Variants in AP2A2 observed in about 807,000 individuals in gnomAD.
AP2A2 encodes adaptor related protein complex 2 subunit alpha 2.
A neutral mutation model predicts 104.2 loss-of-function variants in AP2A2; 32 were observed. The observed-to-expected ratio is 0.31, with a 90% CI of 0.23 to 0.41. AP2A2 has a LOEUF of 0.41. Among genes scored for constraint, AP2A2 ranks in the 10% least tolerant of loss-of-function variants. The pLI, the probability that AP2A2 is intolerant of heterozygous loss-of-function variation, is 1.00. For synonymous variants in AP2A2, 539 were observed against 533.3 expected (o/e 1.01, Z -0.15); for missense variants, 912 against 1,261.0 (o/e 0.72, Z 4.19).
At chr11:964,400 T>G (rs1427525591) in intron 2 of AP2A2, among the ~76,000 whole-genome samples, 1 of 152,152 alleles carries the variant, frequency 6.6e-6, no homozygotes, top group Admixed American at 6.5e-5. Flanking sequence ...GTCTGTAGGC[T>G]CCATTTTAGA....
At chr11:997,647 G>A (rs1190575054) in intron 14 of AP2A2, among the ~76,000 whole-genome samples, 1 of 152,250 alleles carries the variant, frequency 6.6e-6, no homozygotes, top group East Asian at 1.9e-4. Flanking sequence ...GCTCACACCT[G>A]TAATCCCAGC....
chr11:949,938 A>T (rs892292251), intron 1 of AP2A2, among the ~76,000 whole-genome samples: 1 of 152,208 alleles, frequency 6.6e-6, no homozygotes, highest in Non-Finnish European at 1.5e-5. Context: ...TGCAAAAAAG[A>T]ACAGGATTGG....
intron 9 of AP2A2, among the ~76,000 whole-genome samples, chr11:988,152 G>A (rs529807014): frequency 5.9e-5 from 9 of 152,352 alleles, no homozygotes; most frequent in Admixed American, 5.2e-4. Flanking sequence ...GGGGTGGGGC[G>A]TGAGGACCTG....
chr11:947,390 A>T (rs1030764519), intron 1 of AP2A2, among the ~76,000 whole-genome samples: 7 of 152,324 alleles, frequency 4.6e-5, no homozygotes, highest in South Asian at 2.1e-4. Context: ...TAAAGGTGTG[A>T]TTTGACAGTT....
intron 1 of AP2A2, among the ~76,000 whole-genome samples, chr11:929,804 C>CA (rs906469415): frequency 6.7e-5 from 10 of 150,340 alleles, no homozygotes; most frequent in Middle Eastern, 3.4e-3. Flanking sequence ...GACCCTGCCT[C>CA]AAAAAAAAAG....
At chr11:1,004,226 A>C (rs1244326841) in intron 16 of AP2A2, among the ~76,000 whole-genome samples, 1 of 152,236 alleles carries the variant, frequency 6.6e-6, no homozygotes, top group African/African-American at 2.4e-5. Context: ...TAACCCCAGC[A>C]TGTTGGGAGG....
At chr11:988,455 A>G (rs896860670) in intron 9 of AP2A2, 97 bp from the exon 10 acceptor site, 112 of 1,453,478 alleles carry the variant, frequency 7.7e-5, no homozygotes, top group Non-Finnish European at 1.0e-4. Context: ...GGAAACTCAG[A>G]GTGGGTGTTG....
chr11:972,656 C>T (rs1449553404), intron 4 of AP2A2, among the ~76,000 whole-genome samples: 5 of 152,238 alleles, frequency 3.3e-5, no homozygotes, highest in Admixed American at 2.6e-4. Context: ...GTGTTCATGC[C>T]TTGGAGACTC....
chr11:981,211 C>T lies in AP2A2; in HGVS notation c.617C>T (p.Ala206Val). ...GTTTTCTTTCAGGGTGTGGTAACTG[C>T]AGCCACAAGTCTGATCACCACTTTA... ...LNDQHLGVVT[A>V]ATSLITTLAQ... is the part of the protein sequence containing the mutation. Residue 206 changes from alanine (A) to valine (V), a missense_variant, in exon 6 of 22, where the codon GCA becomes GTA. Physicochemically the swap from Ala to Val is moderately conservative, Grantham distance 64. Coordinates refer to ENST00000448903, the MANE Select transcript of AP2A2 (RefSeq NM_012305.4). 1 of 1,612,170 alleles carries T rather than the reference C, an allele frequency of 6.2e-7. No individual in the cohort carries two copies. Among genetic ancestry groups the T allele is most frequent in the Non-Finnish European group, 8.5e-7 (1 of 1,179,240 alleles).
At chr11:944,284 T>C (rs572957890) in intron 1 of AP2A2, among the ~76,000 whole-genome samples, 2 of 152,208 alleles carry the variant, frequency 1.3e-5, no homozygotes, top group Non-Finnish European at 2.9e-5. Context: ...TTTTGGTGCA[T>C]TATGAGCACT....
At chr11:972,827 G>A (rs945660168) in intron 4 of AP2A2, among the ~76,000 whole-genome samples, 3 of 152,278 alleles carry the variant, frequency 2.0e-5, no homozygotes, top group African/African-American at 4.8e-5. Flanking sequence ...CTTCAGCCCC[G>A]CAGGGCACTG....
chr11:942,071 C>T (rs567824533), intron 1 of AP2A2, among the ~76,000 whole-genome samples: 13 of 152,226 alleles, frequency 8.5e-5, no homozygotes, highest in East Asian at 1.9e-4. Flanking sequence ...GGACTACAGG[C>T]GCCCACCACC....
chr11:928,296 C>A (rs747550459), intron 1 of AP2A2, among the ~76,000 whole-genome samples: 1 of 152,136 alleles, frequency 6.6e-6, no homozygotes, highest in African/African-American at 2.4e-5. Context: ...CATTACAGTT[C>A]TTTTTTATTA....
chr11:990,177 C>T (rs375867478), intron 10 of AP2A2, among the ~76,000 whole-genome samples: 15 of 152,358 alleles, frequency 9.8e-5, no homozygotes, highest in African/African-American at 3.6e-4. Context: ...GGAGGCGGCT[C>T]TCACGCTGGA....
Position 993,814 on chromosome 11 carries a change from C to T in AP2A2, c.1611C>T (p.Arg537=), listed in dbSNP as rs199926214. 1.9e-4 allele frequency: 301 copies of T among 1,607,960 alleles called. No individual in the cohort carries two copies. Among genetic ancestry groups the T allele is most frequent in the Admixed American group, 4.0e-4 (24 of 59,868 alleles). ...TCCACCTGTGCAGCGTCCCCACCCG[C>T]GCGCTGCTCCTGTCCACCTACATCA... ...SKFHLCSVPT[R]ALLLSTYIKF... Residue 537 remains arginine (R), a synonymous_variant, in exon 13 of 22, where the codon CGC becomes CGT. Coordinates refer to ENST00000448903, the MANE Select transcript of AP2A2 (RefSeq NM_012305.4). The surrounding 1 kb of genome is among the most constrained non-coding windows in gnomAD (Gnocchi z 8.2).
chr11:971,842 G>T (rs989140039), intron 3 of AP2A2, among the ~76,000 whole-genome samples: 2 of 152,180 alleles, frequency 1.3e-5, no homozygotes, highest in Non-Finnish European at 2.9e-5. Flanking sequence ...CCACAGGAAC[G>T]CTGCGCCATG....
intron 1 of AP2A2, among the ~76,000 whole-genome samples, chr11:936,586 C>CTTGTA (rs1853466065): frequency 6.6e-6 from 1 of 151,904 alleles, no homozygotes. Flanking sequence ...TGGGGTCTTG[C>CTTGTA]TTTGTAGCCC....
chr11:1,011,372 G>A lies in AP2A2; in HGVS notation c.*747G>A, dbSNP rs754624088. On this transcript the variant is annotated 3_prime_UTR_variant, in exon 22 of 22. Transcript: ENST00000448903. The stretch of plus-strand genomic sequence containing the variant: ...CCAGGGTAAAGTGTGGGCCGGTGGC[G>A]CAAGACTCAGAGGTGTGCTCGTCTC... The A allele has an allele frequency of 7.7e-6, 4 of 517,648 alleles. No homozygotes were observed. Among genetic ancestry groups the A allele is most frequent in the East Asian group, 5.5e-5 (1 of 18,336 alleles). 32.1% of individuals were successfully genotyped at this position (517,648 alleles called of 1,614,324 possible). A position where few individuals can be genotyped will look rare whatever the true frequency, so the allele number is the denominator to read the frequency against.
chr11:970,094 G>T lies in AP2A2; in HGVS notation c.137-75G>T, dbSNP rs542304946. ...TGTCCGTGCTGCCTGCTGTACTGCT[G>T]CACTGCCCTCTGCTCTCCCCTCTCC... On this transcript the variant is annotated intron_variant, in intron 2 of 21. Coordinates refer to ENST00000448903, the MANE Select transcript of AP2A2 (RefSeq NM_012305.4). The T allele has an allele frequency of 7.8e-6, 12 of 1,534,180 alleles. No individual in the cohort carries two copies. In the South Asian group the frequency reaches 1.2e-4, roughly 15 times the overall value.
Sources: allele counts gnomAD v4.1 joint callset (sites outside exome capture counted in the v4.1 genomes callset), GRCh38; gene constraint gnomAD v4.1.1; non-coding constraint Gnocchi (gnomAD v3.1); transcripts MANE v1.5; gene names NCBI Gene and HGNC (gene_info 2026-07-23, HGNC 2026-07-21).